Variants in ABCG2 observed in about 807,000 individuals in gnomAD.
ABCG2 encodes ATP binding cassette subfamily G member 2 (JR blood group).
Under a neutral mutation model 73.5 loss-of-function variants are expected in ABCG2, and 80 were observed. The ratio of observed to expected loss-of-function variants is 1.09; its 90% CI spans 0.91 to 1.31. The LOEUF is 1.31. Among genes scored for constraint, ABCG2 ranks in the 50% most tolerant of loss-of-function variants. ABCG2 has a pLI of 0.00. For missense variants in ABCG2, 796 were observed against 786.2 expected, an observed-to-expected ratio of 1.01 and a Z score of -0.15; for synonymous variants, 269 against 282.4, an observed-to-expected ratio of 0.95 and a Z score of 0.48.
At chr4:88,126,680 A>G (rs1186174457) in intron 5 of ABCG2, among the ~76,000 whole-genome samples, 2 of 152,216 alleles carry the variant, frequency 1.3e-5, no homozygotes, top group African/African-American at 2.4e-5. Context: ...CGAAAACCAC[A>G]TGATTAACTC....
At chr4:88,132,806 T>A (rs1013090810) in intron 2 of ABCG2, among the ~76,000 whole-genome samples, 171 bp from the exon 3 acceptor site, 4 of 152,132 alleles carry the variant, frequency 2.6e-5, no homozygotes, top group Non-Finnish European at 5.9e-5. Context: ...GCATGGTGGC[T>A]CAGGCCTGTA....
chr4:88,115,977 T>C (rs907519859), intron 7 of ABCG2, among the ~76,000 whole-genome samples: 8 of 152,224 alleles, frequency 5.3e-5, no homozygotes, highest in Non-Finnish European at 8.8e-5. Flanking sequence ...AGCAAACCAC[T>C]TGAGCCCAGG....
intron 1 of ABCG2, among the ~76,000 whole-genome samples, chr4:88,197,747 G>A (rs897115493): frequency 6.6e-6 from 1 of 151,954 alleles, no homozygotes; most frequent in African/African-American, 2.4e-5. Flanking sequence ...TGAGGCTAGT[G>A]AGCTATAATT....
At chr4:88,125,018 C>T (rs960161849) in intron 5 of ABCG2, among the ~76,000 whole-genome samples, 6 of 152,186 alleles carry the variant, frequency 3.9e-5, no homozygotes, top group Admixed American at 2.0e-4. Flanking sequence ...CAAGGCCAGG[C>T]GTGGTGGCTC....
Position 88,131,989 on chromosome 4 carries a change from C to T in ABCG2, c.264-72G>A, listed in dbSNP as rs3219193. On this transcript the variant is annotated intron_variant, in intron 3 of 15. Transcript: ENST00000237612. ...TATATATGTTGTGGGGTTTTTTTCC[C>T]TCCAACACATGCTATATATCTCATG... 7.1e-3 allele frequency: 7,605 copies of T among 1,065,244 alleles called. 39 individuals are homozygous for T. The highest frequency in any genetic ancestry group is 9.5e-3 in the Non-Finnish European group (6,816 of 714,096). The allele number at this position is 1,065,244 out of a possible 1,614,324, so 66.0% of individuals were successfully genotyped here. A position where few individuals can be genotyped will look rare whatever the true frequency, so the allele number is the denominator to read the frequency against.
At chr4:88,181,125 G>A (rs919737036) in intron 1 of ABCG2, among the ~76,000 whole-genome samples, 4 of 152,060 alleles carry the variant, frequency 2.6e-5, no homozygotes, top group Non-Finnish European at 5.9e-5. Flanking sequence ...TGGGCTAGCC[G>A]GTGCGGTGGC....
intron 1 of ABCG2, among the ~76,000 whole-genome samples, chr4:88,184,339 C>T (rs1728367481): frequency 1.3e-5 from 2 of 152,112 alleles, no homozygotes; most frequent in Admixed American, 1.3e-4. Context: ...CCTACTAGAA[C>T]TGACAAATTC....
intron 1 of ABCG2, among the ~76,000 whole-genome samples, chr4:88,199,918 C>G (rs188747877): frequency 2.9e-4 from 44 of 152,280 alleles, no homozygotes; most frequent in African/African-American, 1.1e-3. Flanking sequence ...GGGAGAATGG[C>G]GTGAACCCGG....
chr4:88,217,664 A>G (rs1307239227), intron 1 of ABCG2, among the ~76,000 whole-genome samples: 2 of 151,200 alleles, frequency 1.3e-5, no homozygotes, highest in African/African-American at 2.4e-5. Context: ...CCTGCCTCAA[A>G]AAAAAAAAAG....
chr4:88,172,904 G>A (rs1197631286), intron 1 of ABCG2, among the ~76,000 whole-genome samples: 1 of 152,022 alleles, frequency 6.6e-6, no homozygotes, highest in African/African-American at 2.4e-5. Flanking sequence ...TCTGTGTAGT[G>A]AACTTTTTAG....
At chr4:88,221,309 C>T (rs1157387838) in intron 1 of ABCG2, among the ~76,000 whole-genome samples, 2 of 152,026 alleles carry the variant, frequency 1.3e-5, no homozygotes, top group Non-Finnish European at 2.9e-5. Flanking sequence ...TACTCAGTCT[C>T]GGGTATTTTT....
intron 5 of ABCG2, among the ~76,000 whole-genome samples, chr4:88,126,199 C>A (rs904770810): frequency 2.0e-5 from 3 of 152,118 alleles, no homozygotes; most frequent in Non-Finnish European, 2.9e-5. Context: ...TTTTCCTGTA[C>A]ACACACACCC....
At chr4:88,105,312 T>C (rs1386596871) in intron 10 of ABCG2, among the ~76,000 whole-genome samples, 1 of 152,140 alleles carries the variant, frequency 6.6e-6, no homozygotes. Flanking sequence ...CTTTCCTCAA[T>C]AGTAAAATGG....
At chr4:88,138,815 T>C (rs1336877867) in intron 2 of ABCG2, among the ~76,000 whole-genome samples, 3 of 152,100 alleles carry the variant, frequency 2.0e-5, no homozygotes, top group African/African-American at 7.2e-5. Flanking sequence ...GCAGTAAAGA[T>C]GAACTCATCT....
intron 1 of ABCG2, among the ~76,000 whole-genome samples, chr4:88,174,662 G>A (rs1007194297): frequency 6.6e-6 from 1 of 152,198 alleles, no homozygotes; most frequent in African/African-American, 2.4e-5. Context: ...AAAGTGCTGG[G>A]ATTACAGGCG....
At chr4:88,118,690 T>C (rs1394473013) in intron 6 of ABCG2, among the ~76,000 whole-genome samples, 3 of 152,230 alleles carry the variant, frequency 2.0e-5, no homozygotes, top group Admixed American at 6.5e-5. Flanking sequence ...TTAGGTCTTC[T>C]GGCTCTTTAA....
intron 1 of ABCG2, among the ~76,000 whole-genome samples, chr4:88,185,918 T>C (rs935467852): frequency 2.0e-5 from 3 of 152,192 alleles, no homozygotes; most frequent in Admixed American, 1.3e-4. Context: ...GAATACATAT[T>C]AGTCCAACCA....
chr4:88,143,610 G>C (rs1348433759), intron 1 of ABCG2, among the ~76,000 whole-genome samples: 1 of 152,092 alleles, frequency 6.6e-6, no homozygotes, highest in Non-Finnish European at 1.5e-5. Context: ...GAAAGAGTTT[G>C]CCTTTCCTGT....
rs778507868 is a variant in ABCG2, at chr4:88,113,268, C to T, written c.1194+35G>A. On this transcript the variant is annotated intron_variant, in intron 9 of 15. Transcript: ENST00000237612. ...CAGATGATAACAGAACCACATTGTT[C>T]CCATTTGAGTATTTCAAAAGAATCT... 1.6e-5 allele frequency: 25 copies of T among 1,601,452 alleles called. 1 individual carries two copies. Among genetic ancestry groups the T allele is most frequent in the Non-Finnish European group, 2.0e-5 (24 of 1,174,904 alleles).
Sources: gnomAD v4.1 joint callset for allele counts (sites outside exome capture counted in the v4.1 genomes callset) on GRCh38, gnomAD v4.1.1 for gene constraint, MANE v1.5 for transcripts, NCBI Gene and HGNC (gene_info 2026-07-23, HGNC 2026-07-21) for gene names.